DNMBP: variants seen among roughly 807,000 people sequenced by gnomAD.
The protein encoded by DNMBP is dynamin-binding protein.
DNMBP carries 87 observed loss-of-function variants against 150.0 expected under a neutral mutation model. The ratio of observed to expected loss-of-function variants is 0.58; its 90% CI spans 0.49 to 0.69. The LOEUF is 0.69. DNMBP is among the 30% of genes least tolerant of loss of function. DNMBP has a pLI of 0.00. For missense variants in DNMBP, 1,774 were observed against 1,949.0 expected, an observed-to-expected ratio of 0.91 and a Z score of 1.69; for synonymous variants, 711 against 750.4, an observed-to-expected ratio of 0.95 and a Z score of 0.86.
chr10:99,941,073 CG>C (rs2133304934), intron 4 of DNMBP, among the ~76,000 whole-genome samples: 1 of 152,170 alleles, frequency 6.6e-6, no homozygotes, highest in Non-Finnish European at 1.5e-5. Context: ...TTAGTAGTGA[CG>C]GGGTTTCACC....
chr10:99,877,584 C>T (rs1038569292), intron 16 of DNMBP, among the ~76,000 whole-genome samples: 14 of 152,080 alleles, frequency 9.2e-5, no homozygotes, highest in Non-Finnish European at 1.6e-4. Context: ...ACCAATTTGG[C>T]CGGGCACGGT....
chr10:99,883,624 G>C (rs1368582159), intron 15 of DNMBP, among the ~76,000 whole-genome samples: 1 of 93,072 alleles, frequency 1.1e-5, no homozygotes, highest in Non-Finnish European at 2.0e-5. Flanking sequence ...CTGGATAACA[G>C]AGCAAGACTG....
chr10:99,938,964 C>A (rs1486425686), intron 4 of DNMBP, among the ~76,000 whole-genome samples: 3 of 152,110 alleles, frequency 2.0e-5, no homozygotes, highest in African/African-American at 7.2e-5. Flanking sequence ...GCTATTTGCT[C>A]CTAGTGGGTG....
At position 99,929,361 on chromosome 10, in the gene DNMBP, G is replaced by A. The variant is rs181620816; in HGVS notation, c.2261-20215C>T. ...GAGACATCTGAAAAAACCAGGAAGC[G>A]TAAATAAAAGTTCCCATGAGAGCGC... On this transcript the variant is annotated intron_variant, in intron 4 of 16. Transcript: ENST00000324109. Among the ~76,000 whole-genome samples, 125 of 152,196 alleles carry A rather than the reference G, an allele frequency of 8.2e-4. 2 individuals carry two copies. Among genetic ancestry groups the A allele is most frequent in the African/African-American group, 3.0e-3 (123 of 41,528 alleles).
At chr10:99,889,977 G>T (rs896701731) in intron 11 of DNMBP, among the ~76,000 whole-genome samples, 1 of 152,292 alleles carries the variant, frequency 6.6e-6, no homozygotes, top group Admixed American at 6.5e-5. Context: ...CCATGCTACT[G>T]ATCATCACAA....
chr10:99,937,100 C>A (rs2040242521), intron 4 of DNMBP, among the ~76,000 whole-genome samples: 2 of 152,064 alleles, frequency 1.3e-5, no homozygotes, highest in Non-Finnish European at 2.9e-5. Flanking sequence ...CGGGGTTTCA[C>A]CATGTTGGCC....
intron 10 of DNMBP, 68 bp from the exon 11 acceptor site, chr10:99,895,118 C>G: frequency 2.8e-6 from 2 of 725,616 alleles, no homozygotes; most frequent in Non-Finnish European, 4.2e-6. Flanking sequence ...GCAAAAGTAG[C>G]TTGCTTTTTT....
intron 4 of DNMBP, among the ~76,000 whole-genome samples, chr10:99,935,968 T>G (rs1175013791): frequency 1.3e-5 from 2 of 152,212 alleles, no homozygotes; most frequent in South Asian, 2.1e-4. Flanking sequence ...TTTTGCCAGG[T>G]GCTTTGCTAC....
intron 4 of DNMBP, among the ~76,000 whole-genome samples, chr10:99,922,402 G>A (rs2040031497): frequency 6.6e-6 from 1 of 151,586 alleles, no homozygotes; most frequent in Non-Finnish European, 1.5e-5. Context: ...CAGAGGCCTG[G>A]GGTCTCCCCA....
chr10:99,913,545 C>T (rs1021642387), intron 4 of DNMBP, among the ~76,000 whole-genome samples: 3 of 152,050 alleles, frequency 2.0e-5, no homozygotes, highest in African/African-American at 4.8e-5. Context: ...TAGGATAGCC[C>T]GGCAGGTGTT....
At position 99,969,098 on chromosome 10, in the gene DNMBP, T is replaced by C. The variant is rs1199397623; in HGVS notation, c.268+17A>G. ...AAATCTAATTTCAAATAGTCTACTA[T>C]TTGATGAGCAGCTTACCTCGATGGA... On this transcript the variant is annotated intron_variant, in intron 3 of 16. Coordinates refer to ENST00000324109, the MANE Select transcript of DNMBP (RefSeq NM_015221.4). 10 of 1,613,314 alleles carry C rather than the reference T, an allele frequency of 6.2e-6. No homozygotes were observed. Among genetic ancestry groups the C allele is most frequent in the Non-Finnish European group, 7.6e-6 (9 of 1,179,708 alleles).
intron 15 of DNMBP, among the ~76,000 whole-genome samples, chr10:99,882,113 A>T (rs1047410991): frequency 4.6e-5 from 7 of 152,196 alleles, no homozygotes; most frequent in African/African-American, 1.4e-4. Flanking sequence ...GAAATGAGCC[A>T]GGCGCAGAAA....
chr10:99,979,008 T>A (rs910937243), intron 1 of DNMBP, among the ~76,000 whole-genome samples: 3 of 152,212 alleles, frequency 2.0e-5, no homozygotes, highest in Admixed American at 6.5e-5. Flanking sequence ...ATCTGATTAA[T>A]CTTTCTAAAA....
chr10:99,941,419 C>T (rs1382861496), intron 4 of DNMBP, among the ~76,000 whole-genome samples: 1 of 151,962 alleles, frequency 6.6e-6, no homozygotes, highest in Non-Finnish European at 1.5e-5. Context: ...CTAATCCTTC[C>T]AGTTGCCTAA....
intron 1 of DNMBP, among the ~76,000 whole-genome samples, chr10:100,006,743 GC>G (rs773307617): frequency 6.7e-6 from 1 of 149,746 alleles, no homozygotes; most frequent in Non-Finnish European, 1.5e-5. Flanking sequence ...AACATGCCAA[GC>G]ATGCTCCTGC....
intron 1 of DNMBP, among the ~76,000 whole-genome samples, chr10:99,987,169 A>G (rs2040837174): frequency 6.6e-6 from 1 of 150,762 alleles, no homozygotes; most frequent in African/African-American, 2.4e-5. Context: ...AAAAAAAAAA[A>G]GAAATCTCTA....
intron 4 of DNMBP, chr10:99,929,601 T>A (rs1247593599): frequency 1.5e-6 from 1 of 665,780 alleles, no homozygotes; most frequent in Non-Finnish European, 2.7e-6. Context: ...GCTGGCTGAG[T>A]TCATACCTTG....
intron 16 of DNMBP, among the ~76,000 whole-genome samples, chr10:99,878,020 G>A (rs1011838092): frequency 6.6e-6 from 1 of 152,172 alleles, no homozygotes; most frequent in Non-Finnish European, 1.5e-5. Flanking sequence ...TCCAGAGGTT[G>A]TGGCAGGAGA....
intron 1 of DNMBP, among the ~76,000 whole-genome samples, chr10:100,006,015 A>G (rs996105353): frequency 6.6e-6 from 1 of 152,198 alleles, no homozygotes; most frequent in African/African-American, 2.4e-5. Context: ...GACCTACGAT[A>G]AACACAGAAT....
Sources: allele counts gnomAD v4.1 joint callset (sites outside exome capture counted in the v4.1 genomes callset), GRCh38; gene constraint gnomAD v4.1.1; transcripts MANE v1.5; gene names NCBI Gene and HGNC (gene_info 2026-07-23, HGNC 2026-07-21).